MACROD2: variants seen among roughly 807,000 people sequenced by gnomAD.
The protein encoded by MACROD2 is mono-ADP ribosylhydrolase 2.
A neutral mutation model predicts 70.4 loss-of-function variants in MACROD2; 36 were observed. The observed-to-expected ratio is 0.51, with a 90% CI of 0.39 to 0.68. The LOEUF (loss-of-function observed/expected upper bound fraction) is 0.68, where lower values mean the gene tolerates loss of function less well. MACROD2 is among the 30% of genes least tolerant of loss of function. The pLI is 0.00. For missense variants in MACROD2, 496 were observed against 538.4 expected, an observed-to-expected ratio of 0.92 and a Z score of 0.78; for synonymous variants, 172 against 178.8, an observed-to-expected ratio of 0.96 and a Z score of 0.30.
intron 3 of MACROD2, among the ~76,000 whole-genome samples, chr20:14,344,566 C>T (rs942666154): frequency 6.6e-6 from 1 of 152,026 alleles, no homozygotes; most frequent in Admixed American, 6.6e-5. Context: ...TTTTGTTTGA[C>T]ATTTGAAGTG....
chr20:15,484,611 C>T (rs12479530), intron 7 of MACROD2, among the ~76,000 whole-genome samples: 8,550 of 152,232 alleles, frequency 0.056, 530 homozygotes, highest in East Asian at 0.25. Context: ...CTTATTATGA[C>T]ACACAGAATG....
chr20:14,465,958 C>T (rs2084441521), intron 3 of MACROD2, among the ~76,000 whole-genome samples: 1 of 152,176 alleles, frequency 6.6e-6, no homozygotes, highest in Non-Finnish European at 1.5e-5. Flanking sequence ...TCTCTGGCTG[C>T]CCTTAACATT....
intron 5 of MACROD2, among the ~76,000 whole-genome samples, chr20:14,857,757 A>G (rs1376645059): frequency 1.3e-5 from 2 of 152,124 alleles, no homozygotes; most frequent in Non-Finnish European, 2.9e-5. Flanking sequence ...TTAATAATGA[A>G]CAATTAATAC....
At chr20:15,658,367 C>T (rs1383754846) in intron 8 of MACROD2, among the ~76,000 whole-genome samples, 1 of 152,012 alleles carries the variant, frequency 6.6e-6, no homozygotes, top group African/African-American at 2.4e-5. Flanking sequence ...CTTGTCAGTC[C>T]TTCTCCTCGT....
intron 7 of MACROD2, among the ~76,000 whole-genome samples, chr20:15,449,451 A>G (rs753567627): frequency 6.6e-6 from 1 of 152,170 alleles, no homozygotes; most frequent in South Asian, 2.1e-4. Flanking sequence ...AAAGCAATAT[A>G]AAAAGTCATC....
chr20:15,551,268 A>T (rs1027156564), intron 8 of MACROD2, among the ~76,000 whole-genome samples: 48 of 151,768 alleles, frequency 3.2e-4, no homozygotes, highest in African/African-American at 1.1e-3. Flanking sequence ...ACACACTCTG[A>T]CTACTTCTCA....
intron 4 of MACROD2, among the ~76,000 whole-genome samples, chr20:14,683,642 A>G (rs1203408621): frequency 6.6e-6 from 1 of 152,166 alleles, no homozygotes; most frequent in Non-Finnish European, 1.5e-5. Flanking sequence ...GCAGAAGTCA[A>G]CCTGGACATT....
intron 5 of MACROD2, chr20:14,757,706 C>G: frequency 6.7e-7 from 1 of 1,483,370 alleles, no homozygotes; most frequent in Non-Finnish European, 9.4e-7. Context: ...AAAGGCCATG[C>G]AGTCTCTCAA....
chr20:15,066,015 G>C (rs1053127544), intron 5 of MACROD2, among the ~76,000 whole-genome samples: 1 of 152,082 alleles, frequency 6.6e-6, no homozygotes, highest in Non-Finnish European at 1.5e-5. Flanking sequence ...CTGGGGCCCA[G>C]CTTGGGAGTA....
chr20:15,453,744 G>A (rs951513614), intron 7 of MACROD2, among the ~76,000 whole-genome samples: 4 of 152,096 alleles, frequency 2.6e-5, no homozygotes, highest in Admixed American at 1.3e-4. Flanking sequence ...AAAGAATACC[G>A]CCCAGAGAAA....
intron 5 of MACROD2, among the ~76,000 whole-genome samples, chr20:15,008,386 A>C (rs980835496): frequency 3.9e-5 from 6 of 152,080 alleles, no homozygotes; most frequent in Admixed American, 3.9e-4. Flanking sequence ...CCTTGTATTT[A>C]TTTTTATTAT....
intron 6 of MACROD2, among the ~76,000 whole-genome samples, chr20:15,283,931 C>T (rs553331002): frequency 2.4e-4 from 37 of 152,218 alleles, no homozygotes; most frequent in African/African-American, 8.4e-4. Flanking sequence ...TATCTGTACC[C>T]TATCCCTTAT....
intron 3 of MACROD2, among the ~76,000 whole-genome samples, chr20:14,189,234 T>G (rs1376261916): frequency 6.6e-6 from 1 of 152,154 alleles, no homozygotes; most frequent in Non-Finnish European, 1.5e-5. Context: ...AAGAAAAACA[T>G]AATGTTAAAA....
intron 3 of MACROD2, among the ~76,000 whole-genome samples, chr20:14,137,239 G>T (rs1042924017): frequency 6.6e-6 from 1 of 152,142 alleles, no homozygotes. Context: ...CACATGTTTT[G>T]TAGGTTATAT....
At chr20:14,747,060 T>C (rs2071808481) in intron 5 of MACROD2, among the ~76,000 whole-genome samples, 1 of 152,212 alleles carries the variant, frequency 6.6e-6, no homozygotes, top group Admixed American at 6.5e-5. Flanking sequence ...TAACCCATCA[T>C]ATGTCCAGTC....
chr20:14,363,464 A>G (rs2083242304), intron 3 of MACROD2, among the ~76,000 whole-genome samples: 2 of 152,328 alleles, frequency 1.3e-5, no homozygotes, highest in Non-Finnish European at 2.9e-5. Flanking sequence ...ATGACATAGC[A>G]TATTTAATAT....
At chr20:16,048,628 C>G (rs2067416668) in intron 17 of MACROD2, among the ~76,000 whole-genome samples, 1 of 152,088 alleles carries the variant, frequency 6.6e-6, no homozygotes, top group African/African-American at 2.4e-5. Flanking sequence ...GAAATCCCAC[C>G]ACGATCCCAC....
intron 10 of MACROD2, among the ~76,000 whole-genome samples, chr20:15,892,427 G>T (rs2064903784): frequency 6.6e-6 from 1 of 152,146 alleles, no homozygotes; most frequent in Admixed American, 6.6e-5. Context: ...AATTTAACTG[G>T]GACATACAGA....
intron 6 of MACROD2, among the ~76,000 whole-genome samples, chr20:15,416,391 A>AT (rs1387402670): frequency 6.6e-6 from 1 of 152,174 alleles, no homozygotes; most frequent in Admixed American, 6.5e-5. Context: ...TAAAGTGTGC[A>AT]TTAGCCTTGA....
Sources: gnomAD v4.1 joint callset for allele counts (sites outside exome capture counted in the v4.1 genomes callset) on GRCh38, gnomAD v4.1.1 for gene constraint, MANE v1.5 for transcripts, NCBI Gene and HGNC (gene_info 2026-07-23, HGNC 2026-07-21) for gene names.